Variants in POLD2 observed in about 807,000 individuals in gnomAD.
The protein encoded by POLD2 is DNA polymerase delta subunit 2.
Under a neutral mutation model 48.8 loss-of-function variants are expected in POLD2, and 31 were observed. The observed-to-expected ratio is 0.64, with a 90% CI of 0.48 to 0.86. The LOEUF is 0.86. POLD2 is among the 40% of genes least tolerant of loss of function. The pLI is 0.00. For synonymous variants in POLD2, 233 were observed against 256.3 expected (o/e 0.91, Z 0.87); for missense variants, 455 against 610.1 (o/e 0.75, Z 2.68).
At chr7:44,117,775 G>A (rs755444605) in intron 3 of POLD2, 33 bp from the exon 4 acceptor site, 1 of 1,613,464 alleles carries the variant, frequency 6.2e-7, no homozygotes, top group East Asian at 2.2e-5. Context: ...ATAATCTTGG[G>A]GCCAGAGCCC....
Position 44,116,685 on chromosome 7 carries a change from A to G in POLD2, c.780+132T>C. 1 of 1,064,380 alleles carries G rather than the reference A, an allele frequency of 9.4e-7. No individual in the cohort carries two copies. The highest frequency in any genetic ancestry group is 1.4e-6 in the Non-Finnish European group (1 of 724,814). The allele number at this position is 1,064,380 out of a possible 1,614,324, so 65.9% of individuals were successfully genotyped here. A position where few individuals can be genotyped will look rare whatever the true frequency, so the allele number is the denominator to read the frequency against. On this transcript the variant is annotated intron_variant, in intron 6 of 10. Coordinates refer to ENST00000610533, the MANE Select transcript of POLD2 (RefSeq NM_006230.4). The surrounding 1 kb of genome is among the most constrained non-coding windows in gnomAD (Gnocchi z 6.1). ...GAGGAGCCCCATTGCAGGAGGCCCC[A>G]GAGTCACTGCAGGGCGCTTCCCACC...
intron 2 of POLD2, among the ~76,000 whole-genome samples, chr7:44,120,473 G>A (rs1224152646): frequency 1.3e-5 from 2 of 152,238 alleles, no homozygotes; most frequent in African/African-American, 4.8e-5. Flanking sequence ...TTATGTGGGA[G>A]AGGAGAGGTG....
In POLD2 at chr7:44,118,010, C is replaced by G; in HGVS notation, c.275G>C (p.Cys92Ser). The G allele has an allele frequency of 6.2e-7, 1 of 1,614,232 alleles. No homozygotes were observed. The highest frequency in any genetic ancestry group is 8.5e-7 in the Non-Finnish European group (1 of 1,180,026). ...GGCCTTGAACAGAGTGCCCACCACA[C>G]AGCACTTCTCCTCAGGCTGCAGTTC... Reference protein sequence around the residue: ...LCELQPEEKCCVVGTLFKAMP... With the variant: ...LCELQPEEKCSVVGTLFKAMP... Residue 92 changes from cysteine to serine, a missense_variant, in exon 3 of 11, where the codon TGT becomes TCT. Cys to Ser is a moderately radical substitution (Grantham distance 112). Transcript: ENST00000610533.
chr7:44,123,253 G>A, intron 1 of POLD2: 1 of 1,351,202 alleles, frequency 7.4e-7, no homozygotes, highest in Non-Finnish European at 9.4e-7. Flanking sequence ...CACAGGCTCC[G>A]CACACGTGTC....
rs1460322836 is a variant in POLD2, at chr7:44,123,322, G to T, written c.-57+189C>A. ...ACGTGCTTGATGGCGGCAGCAGCCA[G>T]GCCGCGCTACTCGGGATGGGGCCGA... On this transcript the variant is annotated intron_variant, in intron 1 of 10. Coordinates refer to ENST00000610533, the MANE Select transcript of POLD2 (RefSeq NM_006230.4). 3.7e-6 allele frequency: 5 copies of T among 1,365,818 alleles called. No individual in the cohort carries two copies. The East Asian group carries it at 1.6e-4, about 42-fold the overall frequency. 84.6% of individuals were successfully genotyped at this position (1,365,818 alleles called of 1,614,324 possible).
At chr7:44,123,779 C>G, upstream of POLD2, 2 of 1,220,484 alleles carry the variant, frequency 1.6e-6, no homozygotes, top group Non-Finnish European at 1.1e-6. Context: ...GGTTGGCGGC[C>G]GCGCGTGCAG....
In POLD2 at chr7:44,117,019, C is replaced by T. The variant is rs376052476; in HGVS notation, c.582-4G>A. The T allele has an allele frequency of 1.1e-5, 17 of 1,612,688 alleles. No individual in the cohort carries two copies. In the East Asian group the frequency reaches 1.1e-4, roughly 11 times the overall value. On this transcript the variant is annotated splice_region_variant and splice_polypyrimidine_tract_variant and intron_variant, in intron 5 of 10. Coordinates refer to ENST00000610533, the MANE Select transcript of POLD2 (RefSeq NM_006230.4). ...GCCGGACACCAGTAGCACAAACCTG[C>T]GGGAGAAGGTGGGGTCCTCCAGGGT...
At chr7:44,122,413 T>C (rs1206758969) in intron 1 of POLD2, 17 of 1,108,134 alleles carry the variant, frequency 1.5e-5, no homozygotes, top group Non-Finnish European at 1.4e-5. Context: ...AAGTTCAGTT[T>C]GCCCCAAATG....
intron 1 of POLD2, 39 bp from the exon 2 acceptor site, chr7:44,122,148 TC>T: frequency 6.6e-7 from 1 of 1,511,300 alleles, no homozygotes; most frequent in Non-Finnish European, 8.9e-7. Flanking sequence ...CCCCTGTCCA[TC>T]CCCCAAAGCA....
intron 1 of POLD2, among the ~76,000 whole-genome samples, chr7:44,122,674 C>T (rs976580511): frequency 4.6e-5 from 7 of 152,218 alleles, no homozygotes; most frequent in African/African-American, 1.7e-4. Flanking sequence ...CTCTCCCCTC[C>T]TGGTTCCCAC....
At position 44,116,496 on chromosome 7, in the gene POLD2, G is replaced by A; in HGVS notation, c.795C>T (p.Thr265=). The A allele has an allele frequency of 6.3e-7, 1 of 1,578,732 alleles. No homozygotes were observed. The highest frequency in any genetic ancestry group is 8.6e-7 in the Non-Finnish European group (1 of 1,161,424). The change falls in exon 7 of 11, where the codon ACC becomes ACT. Residue 265 remains threonine, a synonymous_variant. Transcript: ENST00000610533. The surrounding 1 kb of genome is among the most constrained non-coding windows in gnomAD (Gnocchi z 6.1). The part of the protein sequence containing the change: ...RDSINKAKYL[T]KKTQAASVEA... The stretch of plus-strand genomic sequence containing the variant: ...CCACGCTGGCTGCCTGGGTTTTCTT[G>A]GTGAGGTATTTGGCCTGGAATAGAA...
intron 3 of POLD2, 70 bp from the exon 4 acceptor site, chr7:44,117,812 G>T: frequency 1.2e-6 from 2 of 1,602,408 alleles, no homozygotes; most frequent in Non-Finnish European, 1.7e-6. Context: ...TAGTGAGCTG[G>T]CACCGCAGCC....
intron 2 of POLD2, among the ~76,000 whole-genome samples, chr7:44,120,469 G>A (rs1455343705): frequency 6.6e-6 from 1 of 152,214 alleles, no homozygotes; most frequent in Admixed American, 6.5e-5. Flanking sequence ...CTGATTATGT[G>A]GGAGAGGAGA....
At chr7:44,120,500 A>G (rs903843007) in intron 2 of POLD2, among the ~76,000 whole-genome samples, 1 of 152,240 alleles carries the variant, frequency 6.6e-6, no homozygotes, top group African/African-American at 2.4e-5. Flanking sequence ...ACTTTGTCTC[A>G]GGTAAACAAA....
At position 44,114,821 on chromosome 7, in the gene POLD2, C is replaced by G. The variant is rs147647748; in HGVS notation, c.1374G>C (p.Glu458Asp). 89 of 1,613,564 alleles carry G rather than the reference C, an allele frequency of 5.5e-5. No homozygotes were observed. In the African/African-American group the frequency reaches 1.1e-3, roughly 21 times the overall value. Residue 458 changes from glutamate (E) to aspartate (D), a missense_variant, in exon 11 of 11, where the codon GAG (glutamate) becomes GAC (aspartate). Glu to Asp is a conservative substitution (Grantham distance 45). This residue lies in a region of POLD2 where 98 missense variants were observed against 138.6 expected (regional missense o/e 0.71). Coordinates refer to ENST00000610533, the MANE Select transcript of POLD2 (RefSeq NM_006230.4). ...QPISFSGFGA[E>D]DDDLGGLGLG... is the part of the protein sequence containing the mutation. ...GCCCCAGGCCTCCCAGGTCATCGTC[C>G]TCTGCCCCGAAGCCCGAGAAGCTGA...
chr7:44,123,346 G>C (rs896711022), intron 1 of POLD2, 165 bp downstream of exon 1: 99 of 1,379,172 alleles, frequency 7.2e-5, no homozygotes, highest in Non-Finnish European at 9.0e-5. Context: ...GGATGGGGCC[G>C]AGAGCGCCCT....
Position 44,122,018 on chromosome 7 carries a change from A to C in POLD2, c.36T>G (p.Thr12=), listed in dbSNP as rs554456369. 3.1e-6 allele frequency: 5 copies of C among 1,613,542 alleles called. No homozygotes were observed. In the South Asian group the frequency reaches 5.5e-5, roughly 18 times the overall value. The part of the protein sequence containing the change: ...FSEQAAQRAH[T]LLSPPSANNA... ...TGTTGGCTGATGGTGGGGACAGTAG[A>C]GTGTGGGCCCTCTGGGCAGCCTGCT... Residue 12 remains threonine, a synonymous_variant, in exon 2 of 11, where the codon ACT becomes ACG. Transcript: ENST00000610533.
chr7:44,117,154 G>A lies in POLD2; in HGVS notation c.560C>T (p.Ala187Val), dbSNP rs374486246. 3.1e-6 allele frequency: 5 copies of A among 1,613,956 alleles called. No individual in the cohort carries two copies. The highest frequency in any genetic ancestry group is 2.2e-5 in the South Asian group (2 of 91,068). The change falls in exon 5 of 11, where the codon GCA becomes GTA. Residue 187 changes from alanine to valine, a missense_variant. By Grantham distance (64) the Ala-to-Val change is moderately conservative (BLOSUM62 0). Around this residue, in one of 3 missense-constraint regions of POLD2, gnomAD observed 349 missense variants for 437.4 expected, o/e 0.80. Transcript: ENST00000610533. ...TCACCTATCTGTGTCAAGTGGGGGT[G>A]CGGGCTTCTGGGGAGCAAGGTCAGC... ...CFADLAPQKP[A>V]PPLDTDRFVL...
In POLD2 at chr7:44,117,197, C is replaced by T. The variant is rs749634791; in HGVS notation, c.517G>A (p.Val173Met). 3 of 1,614,090 alleles carry T rather than the reference C, an allele frequency of 1.9e-6. No individual in the cohort carries two copies. The highest frequency in any genetic ancestry group is 2.2e-5 in the South Asian group (2 of 91,064). The change falls in exon 5 of 11, where the codon GTG (valine) becomes ATG (methionine). Residue 173 changes from valine to methionine, a missense_variant. Physicochemically the swap from Val to Met is conservative, Grantham distance 21. This residue lies in a region of POLD2 where 349 missense variants were observed against 437.4 expected (regional missense o/e 0.80). Transcript: ENST00000610533. ...GSVRDDGKFL[V>M]EDYCFADLAP... ...AGGTCAGCAAAGCAATAGTCCTCCA[C>T]CAGAAACTTCCCGTCGTCTCTCACG...
Sources: gnomAD v4.1 joint callset for allele counts (sites outside exome capture counted in the v4.1 genomes callset) on GRCh38, gnomAD v4.1.1 for gene constraint, gnomAD v4.1.1 regional missense constraint, Gnocchi (gnomAD v3.1) non-coding constraint, MANE v1.5 for transcripts, NCBI Gene and HGNC (gene_info 2026-07-23, HGNC 2026-07-21) for gene names.